SLC9B1: variants seen among roughly 807,000 people sequenced by gnomAD.
SLC9B1 encodes the protein sodium/hydrogen exchanger 9B1.
SLC9B1 carries 32 observed loss-of-function variants against 51.7 expected under a neutral mutation model. That is an observed-to-expected ratio of 0.62 (90% CI 0.47 to 0.83). SLC9B1 has a LOEUF of 0.83. Among genes scored for constraint, SLC9B1 ranks in the 40% least tolerant of loss-of-function variants. SLC9B1 has a pLI of 0.00. For missense variants in SLC9B1, 406 were observed against 613.2 expected, an observed-to-expected ratio of 0.66 and a Z score of 3.57; for synonymous variants, 145 against 212.7, an observed-to-expected ratio of 0.68 and a Z score of 2.77.
Position 102,910,549 on chromosome 4 carries a change from T to C in SLC9B1, c.976A>G (p.Met326Val), listed in dbSNP as rs1056763970. 1.6e-5 allele frequency: 25 copies of C among 1,527,640 alleles called. No individual in the cohort carries two copies. Among genetic ancestry groups the C allele is most frequent in the Non-Finnish European group, 2.1e-5 (24 of 1,140,856 alleles). The allele number at this position is 1,527,640 out of a possible 1,614,324, so 94.6% of individuals were successfully genotyped here. The change falls in exon 9 of 12, where the codon ATG (methionine) becomes GTG (valine). Residue 326 changes from methionine to valine, a missense_variant. Physicochemically the swap from Met to Val is conservative, Grantham distance 21. Coordinates refer to ENST00000296422, the MANE Select transcript of SLC9B1 (RefSeq NM_139173.4). ...TLKRGFLVLT[M>V]CVSAVLGSQR... is the part of the protein sequence containing the mutation. ...CTGCCTAAGACGGCAGAAACACACATAGTCAAAACAAGGAATCCTCTCTTC... is the reference window on the plus strand; with the variant it reads ...CTGCCTAAGACGGCAGAAACACACACAGTCAAAACAAGGAATCCTCTCTTC...
intron 1 of SLC9B1, among the ~76,000 whole-genome samples, chr4:103,014,160 A>G (rs1286442102): frequency 1.3e-5 from 2 of 152,164 alleles, no homozygotes; most frequent in Non-Finnish European, 2.9e-5. Context: ...TTGACACTCT[A>G]AACTTTAGCC....
Position 102,978,154 on chromosome 4 carries a change from C to T in SLC9B1, c.211+11646G>A, listed in dbSNP as rs185064175. On this transcript the variant is annotated intron_variant, in intron 3 of 11. Transcript: ENST00000296422. ...GACATGAACTCATCATTTTTTATGG[C>T]TGCATAGTATTCCATGGTGTATATG... 9.7e-4 allele frequency among the ~76,000 whole-genome samples: 148 copies of T among 152,288 alleles called. 2 individuals are homozygous for T. Among genetic ancestry groups the T allele is most frequent in the Admixed American group, 8.0e-3 (122 of 15,288 alleles).
In SLC9B1 at chr4:102,905,464, T is replaced by C. The variant is rs753772039; in HGVS notation, c.1332+50A>G. 5 of 1,535,546 alleles carry C rather than the reference T, an allele frequency of 3.3e-6. No homozygotes were observed. In the East Asian group the frequency reaches 1.1e-4, roughly 35 times the overall value. On this transcript the variant is annotated intron_variant, in intron 11 of 11. Coordinates refer to ENST00000296422, the MANE Select transcript of SLC9B1 (RefSeq NM_139173.4). Reference sequence around the variant, plus strand: ...GAGTAACATTTTTCATTTTAAATTTTAAAAGCATCAAAATGAAAGCATTAA... The same window carrying C: ...GAGTAACATTTTTCATTTTAAATTTCAAAAGCATCAAAATGAAAGCATTAA...
At chr4:102,955,072 C>T (rs1360692176) in intron 3 of SLC9B1, among the ~76,000 whole-genome samples, 1 of 152,132 alleles carries the variant, frequency 6.6e-6, no homozygotes, top group East Asian at 1.9e-4. Context: ...TGGGGTTGCT[C>T]CCTGATATGG....
At chr4:102,997,952 T>TC (rs1303451206) in intron 1 of SLC9B1, among the ~76,000 whole-genome samples, 3 of 152,200 alleles carry the variant, frequency 2.0e-5, no homozygotes, top group African/African-American at 7.2e-5. Context: ...AATAATAATA[T>TC]CTTTTTTACT....
chr4:102,899,862 A>G (rs905592220), downstream of SLC9B1, among the ~76,000 whole-genome samples: 1 of 152,208 alleles, frequency 6.6e-6, no homozygotes, highest in Non-Finnish European at 1.5e-5. Context: ...AACTATAAGG[A>G]GAAAATGTCA....
intron 3 of SLC9B1, chr4:102,963,352 T>G (rs1241413262): frequency 4.3e-6 from 1 of 233,310 alleles, no homozygotes; most frequent in Non-Finnish European, 8.6e-6. Context: ...AAAGCATCAT[T>G]TAATAGTGTC....
chr4:102,949,313 C>T lies in SLC9B1; in HGVS notation c.326G>A (p.Gly109Glu), dbSNP rs1560946460. 1 of 1,608,502 alleles carries T rather than the reference C, an allele frequency of 6.2e-7. No homozygotes were observed. Among genetic ancestry groups the T allele is most frequent in the East Asian group, 2.2e-5 (1 of 44,714 alleles). Residue 109 changes from glycine (G) to glutamate (E), a missense_variant, in exon 4 of 12, where the codon GGA becomes GAA. By Grantham distance (98) the Gly-to-Glu change is moderately conservative (BLOSUM62 -2). This residue lies in a region of SLC9B1 where 250 missense variants were observed against 394.1 expected (regional missense o/e 0.63). Transcript: ENST00000296422. ...TATTCTAATGAGTTGTAAAATTTTT[C>T]CCCCAATAATGGCACTATAAAAAAT... ...FIIFYSAIIG[G>E]KILQLIRIPL... is the part of the protein sequence containing the mutation.
At chr4:102,950,418 T>C (rs1418409969) in intron 3 of SLC9B1, among the ~76,000 whole-genome samples, 2 of 152,208 alleles carry the variant, frequency 1.3e-5, no homozygotes, top group Admixed American at 6.5e-5. Flanking sequence ...TAGGTTTCTA[T>C]AAAGGACAGA....
At chr4:103,004,338 C>G (rs1305780286) in intron 1 of SLC9B1, among the ~76,000 whole-genome samples, 1 of 152,098 alleles carries the variant, frequency 6.6e-6, no homozygotes, top group South Asian at 2.1e-4. Flanking sequence ...GAAATAATCT[C>G]AGAGCTTGAA....
chr4:102,967,108 A>AAG (rs1159975221), intron 3 of SLC9B1, among the ~76,000 whole-genome samples: 2 of 152,200 alleles, frequency 1.3e-5, no homozygotes, highest in African/African-American at 4.8e-5. Flanking sequence ...ATCTCATTAG[A>AAG]ATGGCCTTTG....
chr4:102,921,801 A>G (rs1460117157), intron 7 of SLC9B1, among the ~76,000 whole-genome samples: 1 of 152,214 alleles, frequency 6.6e-6, no homozygotes, highest in Non-Finnish European at 1.5e-5. Context: ...ACAAAGATCA[A>G]AAGAGACAAA....
intron 1 of SLC9B1, among the ~76,000 whole-genome samples, chr4:103,001,803 A>G (rs1349404843): frequency 6.6e-6 from 1 of 152,146 alleles, no homozygotes; most frequent in Non-Finnish European, 1.5e-5. Context: ...CCCACTCTTC[A>G]CAGTACCAAT....
At chr4:102,911,358 G>A (rs1252492298) in intron 8 of SLC9B1, 73 bp downstream of exon 8, 22 of 1,005,848 alleles carry the variant, frequency 2.2e-5, no homozygotes, top group South Asian at 9.1e-5. Context: ...AAATTTCATC[G>A]ACCTTACCAA....
chr4:102,994,454 GTC>G (rs1294576155), intron 1 of SLC9B1, among the ~76,000 whole-genome samples: 1 of 152,138 alleles, frequency 6.6e-6, no homozygotes, highest in African/African-American at 2.4e-5. Flanking sequence ...CATTCAACAA[GTC>G]TCTATGAAGT....
At chr4:102,993,133 T>A (rs1740035617) in intron 1 of SLC9B1, among the ~76,000 whole-genome samples, 1 of 152,130 alleles carries the variant, frequency 6.6e-6, no homozygotes, top group Admixed American at 6.5e-5. Flanking sequence ...AGAACACAAT[T>A]ATGCCTTTCC....
chr4:103,018,187 T>C (rs1741498555), intron 1 of SLC9B1, among the ~76,000 whole-genome samples: 2 of 152,128 alleles, frequency 1.3e-5, no homozygotes, highest in African/African-American at 4.8e-5. Context: ...AAATGAGAAG[T>C]ACTATAAAAA....
intron 3 of SLC9B1, among the ~76,000 whole-genome samples, chr4:102,987,791 C>G (rs1467076067): frequency 2.0e-5 from 3 of 152,102 alleles, no homozygotes; most frequent in Non-Finnish European, 4.4e-5. Flanking sequence ...GTTTTTGTAC[C>G]CTGCTCCTGG....
At chr4:102,927,338 G>A (rs1338257404) in intron 7 of SLC9B1, among the ~76,000 whole-genome samples, 1 of 151,772 alleles carries the variant, frequency 6.6e-6, no homozygotes. Flanking sequence ...GAGACAAATT[G>A]CGATCTACCC....
Sources: allele counts gnomAD v4.1 joint callset (sites outside exome capture counted in the v4.1 genomes callset), GRCh38; gene constraint gnomAD v4.1.1; regional missense constraint gnomAD v4.1.1; transcripts MANE v1.5; gene names NCBI Gene and HGNC (gene_info 2026-07-23, HGNC 2026-07-21).